Variants in BRAF observed in about 807,000 individuals in gnomAD.
The protein encoded by BRAF is B-Raf proto-oncogene, serine/threonine kinase.
BRAF carries 16 observed loss-of-function variants against 104.6 expected under a neutral mutation model. The observed-to-expected ratio is 0.15, with a 90% confidence interval of 0.10 to 0.23. BRAF has a LOEUF of 0.23. BRAF is among the 10% of genes least tolerant of loss of function. BRAF has a pLI of 1.00. For missense variants in BRAF, 541 were observed against 937.3 expected, an observed-to-expected ratio of 0.58 and a Z score of 5.52; for synonymous variants, 310 against 341.6, an observed-to-expected ratio of 0.91 and a Z score of 1.02.
intron 4 of BRAF, 73 bp downstream of exon 4, chr7:140,808,819 T>A: frequency 8.1e-7 from 1 of 1,241,356 alleles, no homozygotes; most frequent in South Asian, 1.2e-5. Context: ...TTGGTAAAGA[T>A]CCTAAGAAAA....
At chr7:140,793,863 C>T (rs986863489) in intron 8 of BRAF, among the ~76,000 whole-genome samples, 1 of 152,174 alleles carries the variant, frequency 6.6e-6, no homozygotes, top group Non-Finnish European at 1.5e-5. Context: ...CTGGGTCAAG[C>T]GTTCCACCCA....
At chr7:140,751,985 T>C (rs928184911) in intron 16 of BRAF, among the ~76,000 whole-genome samples, 1 of 152,220 alleles carries the variant, frequency 6.6e-6, no homozygotes, top group Non-Finnish European at 1.5e-5. Context: ...AGGACTCTTT[T>C]TCACTCTTAA....
chr7:140,826,178 T>C (rs1264424609), intron 3 of BRAF, among the ~76,000 whole-genome samples: 7 of 152,202 alleles, frequency 4.6e-5, no homozygotes, highest in Non-Finnish European at 8.8e-5. Context: ...AATTTCTATG[T>C]GACATTTAAA....
chr7:140,848,796 A>C (rs1808838366), intron 2 of BRAF, among the ~76,000 whole-genome samples: 1 of 152,244 alleles, frequency 6.6e-6, no homozygotes. Flanking sequence ...TAAGAATTCT[A>C]GTCCTAGCTT....
intron 1 of BRAF, among the ~76,000 whole-genome samples, chr7:140,859,868 T>C (rs1810217309): frequency 6.6e-6 from 1 of 152,116 alleles, no homozygotes; most frequent in East Asian, 1.9e-4. Context: ...TCTGTATTTT[T>C]AGTAGAGACA....
chr7:140,872,212 T>C (rs1339061921), intron 1 of BRAF, among the ~76,000 whole-genome samples: 2 of 151,636 alleles, frequency 1.3e-5, no homozygotes, highest in East Asian at 1.9e-4. Flanking sequence ...TGAAACTCCA[T>C]CTCAAAATAA....
chr7:140,886,749 A>C (rs750233278), intron 1 of BRAF, among the ~76,000 whole-genome samples: 2 of 152,148 alleles, frequency 1.3e-5, no homozygotes, highest in African/African-American at 2.4e-5. Context: ...ACATATCACA[A>C]TTCAGAATTT....
intron 6 of BRAF, among the ~76,000 whole-genome samples, chr7:140,800,718 A>C (rs561811056): frequency 6.6e-6 from 1 of 152,316 alleles, no homozygotes; most frequent in South Asian, 2.1e-4. Context: ...TACATACTAC[A>C]AGATGAAAAT....
intron 5 of BRAF, among the ~76,000 whole-genome samples, chr7:140,802,290 G>GTATTTTTTTTTTTT (rs1803206077): frequency 7.4e-6 from 1 of 136,054 alleles, no homozygotes. Context: ...GTATGTTTGT[G>GTATTTTTTTTTTTT]TCTTTTTTTT....
At position 140,778,034 on chromosome 7, in the gene BRAF, G is replaced by A. The variant is rs760614709; in HGVS notation, c.1594C>T (p.Pro532Ser). ...TTTTTGAAGGCTTGTAACTGCTGAG[G>A]TGTAGGTGCTGTCACATTCAACATT... Reference protein sequence around the residue: ...VKMLNVTAPTPQQLQAFKNEV... With the variant: ...VKMLNVTAPTSQQLQAFKNEV... Residue 532 changes from proline (P) to serine (S), a missense_variant, in exon 13 of 20, where the codon CCT (proline) becomes TCT (serine). Pro to Ser is a moderately conservative substitution (Grantham distance 74). This residue lies in a region of BRAF where 109 missense variants were observed against 143.9 expected (regional missense o/e 0.76). Coordinates refer to ENST00000644969, the MANE Select transcript of BRAF (RefSeq NM_001374258.1). 1 of 1,613,424 alleles carries A rather than the reference G, an allele frequency of 6.2e-7. No homozygotes were observed. The highest frequency in any genetic ancestry group is 8.5e-7 in the Non-Finnish European group (1 of 1,179,746).
chr7:140,738,797 A>C (rs944691670), intron 18 of BRAF, among the ~76,000 whole-genome samples: 1 of 151,992 alleles, frequency 6.6e-6, no homozygotes, highest in Non-Finnish European at 1.5e-5. Flanking sequence ...TTGTATTTTT[A>C]GTAGAGACGG....
At chr7:140,715,615 T>C (rs562627091), downstream of BRAF, among the ~76,000 whole-genome samples, 55 of 152,340 alleles carry the variant, frequency 3.6e-4, 1 homozygote, top group African/African-American at 1.2e-3. Context: ...AAGGAGGCCA[T>C]ATTGGAATCC....
chr7:140,768,862 GCC>G, intron 14 of BRAF, among the ~76,000 whole-genome samples: 1 of 152,088 alleles, frequency 6.6e-6, no homozygotes, highest in South Asian at 2.1e-4. Context: ...CTTGTGTTCT[GCC>G]CCTTTTGTGT....
chr7:140,882,532 C>A (rs185132296), intron 1 of BRAF, among the ~76,000 whole-genome samples: 85 of 152,152 alleles, frequency 5.6e-4, no homozygotes, highest in Middle Eastern at 3.4e-3. Flanking sequence ...CGCACGCCAC[C>A]ACACCCAGCT....
chr7:140,753,682 T>A (rs1797970314), intron 15 of BRAF: 3 of 329,686 alleles, frequency 9.1e-6, no homozygotes, highest in Non-Finnish European at 1.7e-5. Flanking sequence ...CCCATTAGAT[T>A]TTAGCAATGT....
intron 1 of BRAF, among the ~76,000 whole-genome samples, chr7:140,919,836 T>TG (rs1818024131): frequency 6.6e-6 from 1 of 151,832 alleles, no homozygotes; most frequent in Admixed American, 6.6e-5. Context: ...TTTTGTTTTT[T>TG]TTTTGTTTGT....
intron 2 of BRAF, 176 bp from the exon 3 acceptor site, chr7:140,835,048 A>G (rs1807178229): frequency 4.3e-6 from 3 of 703,128 alleles, no homozygotes; most frequent in Admixed American, 5.5e-5. Context: ...CTTTAAATTG[A>G]TAAATTCTTT....
chr7:140,912,690 A>G (rs576083580), intron 1 of BRAF, among the ~76,000 whole-genome samples: 1 of 152,140 alleles, frequency 6.6e-6, no homozygotes, highest in East Asian at 1.9e-4. Flanking sequence ...TTCAATCAAA[A>G]CATCTCCTTC....
Position 140,721,292 on chromosome 7 carries a change from T to TGCATTTTG in BRAF, c.*5201_*5202insCAAAATGC. The TGCATTTTG allele has an allele frequency of 8.7e-7, 1 of 1,155,932 alleles. No homozygotes were observed. Among genetic ancestry groups the TGCATTTTG allele is most frequent in the Non-Finnish European group, 1.1e-6 (1 of 941,162 alleles). 71.6% of individuals were successfully genotyped at this position (1,155,932 alleles called of 1,614,324 possible). ...ATTGAGTTGCCGACTAATTGCCCCA[T>TGCATTTTG]GCATTTTTTTTTTTTAAAGCACTGT... On this transcript the variant is annotated 3_prime_UTR_variant, in exon 20 of 20. Coordinates refer to ENST00000644969, the MANE Select transcript of BRAF (RefSeq NM_001374258.1).
Sources: allele counts gnomAD v4.1 joint callset (sites outside exome capture counted in the v4.1 genomes callset), GRCh38; gene constraint gnomAD v4.1.1; regional missense constraint gnomAD v4.1.1; transcripts MANE v1.5; gene names NCBI Gene and HGNC (gene_info 2026-07-23, HGNC 2026-07-21).